Variants in DCDC2 observed in about 807,000 individuals in gnomAD.
The protein encoded by DCDC2 is doublecortin domain containing 2.
DCDC2 carries 40 observed loss-of-function variants against 50.2 expected under a neutral mutation model. The observed-to-expected ratio is 0.80, with a 90% CI of 0.62 to 1.04. DCDC2 has a LOEUF of 1.04. DCDC2 is among the 50% of genes least tolerant of loss of function. DCDC2 has a pLI of 0.00. For synonymous variants in DCDC2, 234 were observed against 210.6 expected, an observed-to-expected ratio of 1.11 and a Z score of -0.96; for missense variants, 570 against 581.9, an observed-to-expected ratio of 0.98 and a Z score of 0.21.
chr6:24,189,670 A>T (rs910823097), intron 8 of DCDC2, among the ~76,000 whole-genome samples: 8 of 152,302 alleles, frequency 5.3e-5, no homozygotes, highest in African/African-American at 1.9e-4. Flanking sequence ...TAGTGAAGAT[A>T]TCCTGTCTCA....
intron 7 of DCDC2, among the ~76,000 whole-genome samples, chr6:24,230,708 G>A (rs911210867): frequency 6.6e-6 from 1 of 152,194 alleles, no homozygotes; most frequent in Admixed American, 6.5e-5. Context: ...TCAGAGGGGA[G>A]ACTGTTCCAG....
At chr6:24,358,457 C>A (rs1760525376), upstream of DCDC2, among the ~76,000 whole-genome samples, 1 of 147,986 alleles carries the variant, frequency 6.8e-6, no homozygotes, top group South Asian at 2.1e-4. Context: ...CTATAACGCG[C>A]CTGTGATCCC....
intron 7 of DCDC2, among the ~76,000 whole-genome samples, chr6:24,208,363 C>CTTTTTTTTT (rs34475687): frequency 1.1e-4 from 9 of 84,422 alleles, no homozygotes; most frequent in African/African-American, 2.6e-4. Flanking sequence ...CTCTGTGCTA[C>CTTTTTTTTT]TTTTTTTTTT....
At chr6:24,332,004 G>A (rs1004090131) in intron 2 of DCDC2, among the ~76,000 whole-genome samples, 2 of 152,156 alleles carry the variant, frequency 1.3e-5, no homozygotes, top group African/African-American at 4.8e-5. Flanking sequence ...AAAAATAAGA[G>A]ATTTGGAAAG....
chr6:24,188,137 A>G (rs1273219312), intron 8 of DCDC2, among the ~76,000 whole-genome samples: 1 of 152,218 alleles, frequency 6.6e-6, no homozygotes, highest in Non-Finnish European at 1.5e-5. Flanking sequence ...TGTCAAATGC[A>G]AAGTGTGAGT....
chr6:24,171,833 A>G lies in DCDC2; in HGVS notation c.*2897T>C, dbSNP rs933125066. On this transcript the variant is annotated 3_prime_UTR_variant, in exon 10 of 10. Coordinates refer to ENST00000378454, the MANE Select transcript of DCDC2 (RefSeq NM_016356.5). ...TTTTACTAACAAACCATTTGTTTAC[A>G]AGTGTCTTAAAATCCAGATAAGTTT... is the stretch of plus-strand genomic sequence containing the variant. 1 of 152,202 alleles carries G rather than the reference A, an allele frequency of 6.6e-6. No individual in the cohort carries two copies. Among genetic ancestry groups the G allele is most frequent in the Non-Finnish European group, 1.5e-5 (1 of 68,024 alleles). The allele number at this position is 152,202 out of a possible 1,614,324, so 9.4% of individuals were successfully genotyped here.
chr6:24,229,809 A>C (rs1171252489), intron 7 of DCDC2, among the ~76,000 whole-genome samples: 1 of 152,230 alleles, frequency 6.6e-6, no homozygotes, highest in African/African-American at 2.4e-5. Context: ...AACAACAGGA[A>C]GGATGAGTTC....
intron 4 of DCDC2, among the ~76,000 whole-genome samples, chr6:24,294,081 G>GA (rs1763810277): frequency 6.6e-6 from 1 of 152,200 alleles, no homozygotes; most frequent in Non-Finnish European, 1.5e-5. Context: ...AAGTTGCCTG[G>GA]GCATGGTGTC....
At chr6:24,209,851 G>A (rs764339343) in intron 7 of DCDC2, among the ~76,000 whole-genome samples, 42 of 152,154 alleles carry the variant, frequency 2.8e-4, no homozygotes, top group Non-Finnish European at 5.4e-4. Context: ...GCTGTCTAGA[G>A]TCACGGTCTC....
chr6:24,256,117 C>A (rs1050155437), intron 7 of DCDC2, among the ~76,000 whole-genome samples: 17 of 151,864 alleles, frequency 1.1e-4, no homozygotes, highest in African/African-American at 3.9e-4. Flanking sequence ...TAAAAGAAAC[C>A]AAGCATAAAA....
At chr6:24,264,571 T>C (rs1763078066) in intron 7 of DCDC2, among the ~76,000 whole-genome samples, 1 of 152,010 alleles carries the variant, frequency 6.6e-6, no homozygotes, top group African/African-American at 2.4e-5. Context: ...TAATCGGTTT[T>C]ATAAGATAGT....
rs949188710 is a variant in DCDC2, at chr6:24,357,591, C to T, written c.160G>A (p.Gly54Ser). 1 of 1,613,380 alleles carries T rather than the reference C, an allele frequency of 6.2e-7. No individual in the cohort carries two copies. Among genetic ancestry groups the T allele is most frequent in the Non-Finnish European group, 8.5e-7 (1 of 1,180,038 alleles). The change falls in exon 1 of 10, where the codon GGC becomes AGC. Residue 54 changes from glycine (G) to serine (S), a missense_variant. Gly to Ser is a moderately conservative substitution (Grantham distance 56). Transcript: ENST00000378454. ...ACGGCCCCAAAGGGTGCCTGAACGCCGCCGGTCACCTCCTTCAGGAAGACT... is the reference window on the plus strand; with the variant it reads ...ACGGCCCCAAAGGGTGCCTGAACGCTGCCGGTCACCTCCTTCAGGAAGACT... ...FEVFLKEVTG[G>S]VQAPFGAVRN...
intron 7 of DCDC2, among the ~76,000 whole-genome samples, chr6:24,227,516 C>T (rs1187815101): frequency 2.0e-5 from 3 of 152,186 alleles, no homozygotes; most frequent in African/African-American, 7.2e-5. Context: ...AAGAGTTACA[C>T]TGTGGAGCAC....
At chr6:24,371,760 A>C in the DCDC2 span, among the ~76,000 whole-genome samples, 1 of 152,208 alleles carries the variant, frequency 6.6e-6, no homozygotes, top group South Asian at 2.1e-4. Context: ...TCTACAACGA[A>C]CTCAAACAAA....
At chr6:24,359,982 A>C (rs1314291771), upstream of DCDC2, among the ~76,000 whole-genome samples, 1 of 151,976 alleles carries the variant, frequency 6.6e-6, no homozygotes, top group Non-Finnish European at 1.5e-5. Flanking sequence ...CGTGCTGGAG[A>C]GGGGAGGGGA....
chr6:24,203,135 C>T (rs1052616677), intron 8 of DCDC2, among the ~76,000 whole-genome samples: 22 of 152,144 alleles, frequency 1.4e-4, no homozygotes, highest in African/African-American at 5.1e-4. Context: ...GAAAAAACTA[C>T]TTTAAAGTTC....
intron 7 of DCDC2, among the ~76,000 whole-genome samples, chr6:24,223,685 T>A (rs1762164544): frequency 5.3e-5 from 8 of 152,254 alleles, no homozygotes; most frequent in Admixed American, 5.2e-4. Flanking sequence ...TCTTAGCTTA[T>A]CAGAATAAGC....
upstream of DCDC2, among the ~76,000 whole-genome samples, chr6:24,360,471 GT>G (rs1253030916): frequency 1.1e-4 from 17 of 152,300 alleles, no homozygotes; most frequent in African/African-American, 3.1e-4. Flanking sequence ...AAGGCTAAAT[GT>G]CTGACTGGCT....
chr6:24,240,437 T>C (rs1762542030), intron 7 of DCDC2, among the ~76,000 whole-genome samples: 1 of 152,222 alleles, frequency 6.6e-6, no homozygotes, highest in Non-Finnish European at 1.5e-5. Context: ...AAATTGAAAT[T>C]GGTAGACTAT....
Sources: allele counts gnomAD v4.1 joint callset (sites outside exome capture counted in the v4.1 genomes callset), GRCh38; gene constraint gnomAD v4.1.1; transcripts MANE v1.5; gene names NCBI Gene and HGNC (gene_info 2026-07-23, HGNC 2026-07-21).